OR4Q3: variants seen among roughly 807,000 people sequenced by gnomAD.
OR4Q3 encodes the protein olfactory receptor 4Q3.
A neutral mutation model predicts 18.8 loss-of-function variants in OR4Q3; 17 were observed. That is an observed-to-expected ratio of 0.91 (90% CI 0.62 to 1.36). The LOEUF (loss-of-function observed/expected upper bound fraction) is 1.36, where lower values mean the gene tolerates loss of function less well. OR4Q3 is among the 40% of genes most tolerant of loss of function. OR4Q3 has a pLI of 0.00. For missense variants in OR4Q3, 378 were observed against 373.4 expected, an observed-to-expected ratio of 1.01 and a Z score of -0.10; for synonymous variants, 158 against 145.8, an observed-to-expected ratio of 1.08 and a Z score of -0.60.
At chr14:19,746,627 T>C in intron 1 of OR4Q3, among the ~76,000 whole-genome samples, 1 of 152,174 alleles carries the variant, frequency 6.6e-6, no homozygotes, top group Non-Finnish European at 1.5e-5. Flanking sequence ...ATCTTAAAGA[T>C]TGAGACTATT....
downstream of OR4Q3, among the ~76,000 whole-genome samples, chr14:19,750,828 T>A: frequency 6.6e-6 from 1 of 152,242 alleles, no homozygotes; most frequent in Non-Finnish European, 1.5e-5. Flanking sequence ...TGGAACATCA[T>A]GTTCTTCTCT....
At chr14:19,745,379 T>C in intron 1 of OR4Q3, among the ~76,000 whole-genome samples, 1 of 152,212 alleles carries the variant, frequency 6.6e-6, no homozygotes, top group African/African-American at 2.4e-5. Context: ...TTTAGTATAA[T>C]CTTTTCTTTC....
intron 1 of OR4Q3, among the ~76,000 whole-genome samples, chr14:19,745,417 G>A: frequency 9.9e-4 from 150 of 152,208 alleles, no homozygotes; most frequent in Non-Finnish European, 1.6e-3. Flanking sequence ...GAAAAAACAA[G>A]TGTACCATAC....
downstream of OR4Q3, among the ~76,000 whole-genome samples, chr14:19,749,790 TTCTTTCTC>T: frequency 2.1e-5 from 2 of 97,060 alleles, no homozygotes; most frequent in Middle Eastern, 4.6e-3. Flanking sequence ...TTCTCTTTCT[TTCTTTCTC>T]TCTCTTTCTC....
chr14:19,749,855 T>A, downstream of OR4Q3, among the ~76,000 whole-genome samples: 1 of 4,096 alleles, frequency 2.4e-4, no homozygotes, highest in East Asian at 8.8e-3. Context: ...TACTTCTTTC[T>A]TTCTTTCTTT....
chr14:19,747,361 A>G, intron 1 of OR4Q3, 45 bp from the exon 2 acceptor site: 1 of 1,074,910 alleles, frequency 9.3e-7, no homozygotes, highest in African/African-American at 1.6e-5. Context: ...GTACACATAT[A>G]TATCTACCTT....
At chr14:19,750,447 A>C, downstream of OR4Q3, among the ~76,000 whole-genome samples, 1 of 152,224 alleles carries the variant, frequency 6.6e-6, no homozygotes, top group African/African-American at 2.4e-5. Flanking sequence ...ACTATATAAT[A>C]AGATAATGAC....
At chr14:19,749,940 CTTTT>C, downstream of OR4Q3, among the ~76,000 whole-genome samples, 1 of 138,870 alleles carries the variant, frequency 7.2e-6, no homozygotes, top group South Asian at 2.2e-4. Flanking sequence ...TCTCTTTCTT[CTTTT>C]TTCTCTTTTT....
At chr14:19,750,394 C>A, downstream of OR4Q3, among the ~76,000 whole-genome samples, 1 of 152,194 alleles carries the variant, frequency 6.6e-6, no homozygotes, top group Non-Finnish European at 1.5e-5. Context: ...GACATAGGAT[C>A]CTTGCAATAT....
chr14:19,745,726 C>T, intron 1 of OR4Q3, among the ~76,000 whole-genome samples: 1 of 152,252 alleles, frequency 6.6e-6, no homozygotes, highest in Non-Finnish European at 1.5e-5. Flanking sequence ...ATTTACAATC[C>T]TTGGTGCATC....
chr14:19,748,422 TA>T, exon 2 of OR4Q3: 1 of 1,366,412 alleles, frequency 7.3e-7, no homozygotes, highest in Non-Finnish European at 1.0e-6. Context: ...GGAAGACTCT[TA>T]ACTCATCTTG....
chr14:19,751,545 T>A, downstream of OR4Q3, among the ~76,000 whole-genome samples: 30 of 151,000 alleles, frequency 2.0e-4, no homozygotes, highest in South Asian at 6.3e-4. Flanking sequence ...TTTTTTTTTT[T>A]AAATTACTGA....
exon 2 of OR4Q3, chr14:19,747,517 A>C: frequency 6.2e-7 from 1 of 1,613,474 alleles, no homozygotes; most frequent in South Asian, 1.1e-5. Context: ...TCTTCTTACT[A>C]TTTTTGTTTT....
exon 2 of OR4Q3, chr14:19,748,581 A>G: frequency 1.7e-5 from 9 of 523,834 alleles, no homozygotes; most frequent in Non-Finnish European, 3.0e-5. Flanking sequence ...AAGAGAACTC[A>G]GGAACTCAGT....
downstream of OR4Q3, among the ~76,000 whole-genome samples, chr14:19,750,868 G>GT: frequency 6.6e-6 from 1 of 152,210 alleles, no homozygotes; most frequent in African/African-American, 2.4e-5. Flanking sequence ...CATTTTCAGG[G>GT]TTTTTTGCAT....
At chr14:19,748,523 A>G in exon 2 of OR4Q3, 1 of 656,302 alleles carries the variant, frequency 1.5e-6, no homozygotes, top group South Asian at 2.2e-5. Flanking sequence ...ACAATTTAAA[A>G]GCATAGGTGG....
intron 1 of OR4Q3, among the ~76,000 whole-genome samples, chr14:19,745,287 T>G: frequency 3.3e-5 from 5 of 152,220 alleles, no homozygotes; most frequent in African/African-American, 9.6e-5. Flanking sequence ...TAGTTTGTAG[T>G]AATTTGGGTT....
chr14:19,749,361 G>A, exon 2 of OR4Q3: 1 of 152,434 alleles, frequency 6.6e-6, no homozygotes, highest in Non-Finnish European at 1.5e-5. Flanking sequence ...CACTTTGGGA[G>A]GCCAGGGCAG....
At chr14:19,751,592 T>C, downstream of OR4Q3, among the ~76,000 whole-genome samples, 1 of 152,104 alleles carries the variant, frequency 6.6e-6, no homozygotes, top group Non-Finnish European at 1.5e-5. Context: ...TATTAAGGAT[T>C]ACAATCTCTT....
Sources: gnomAD v4.1 joint callset for allele counts (sites outside exome capture counted in the v4.1 genomes callset) on GRCh38, gnomAD v4.1.1 for gene constraint, MANE v1.5 for transcripts, NCBI Gene and HGNC (gene_info 2026-07-23, HGNC 2026-07-21) for gene names.